DNAJC24: variants seen among roughly 807,000 people sequenced by gnomAD.
The protein encoded by DNAJC24 is DnaJ heat shock protein family (Hsp40) member C24, also known as dnaJ homolog subfamily C member 24.
DNAJC24 carries 17 observed loss-of-function variants against 18.0 expected under a neutral mutation model. The ratio of observed to expected loss-of-function variants is 0.94; its 90% confidence interval spans 0.65 to 1.42. DNAJC24 has a LOEUF of 1.42. Among genes scored for constraint, DNAJC24 ranks in the 40% most tolerant of loss-of-function variants. The pLI is 0.00. For synonymous variants in DNAJC24, 55 were observed against 57.7 expected (o/e 0.95, Z 0.21); for missense variants, 158 against 175.6 (o/e 0.90, Z 0.57).
chr11:31,377,188 A>G (rs999835452), intron 2 of DNAJC24, among the ~76,000 whole-genome samples: 2 of 152,086 alleles, frequency 1.3e-5, no homozygotes. Context: ...TGAATTTAAC[A>G]CCTCCTGCAC....
At chr11:31,416,574 G>A (rs968911116) in intron 3 of DNAJC24, 2 of 152,058 alleles carry the variant, frequency 1.3e-5, no homozygotes, top group Non-Finnish European at 2.9e-5. Flanking sequence ...ACCCTAAAGA[G>A]TATAGGGTAT....
rs536998522 is a variant in DNAJC24 at position 31,400,799 on chromosome 11, G to A, written c.112-14012G>A. Among the ~76,000 whole-genome samples the A allele has an allele frequency of 3.9e-3, 593 of 152,138 alleles. 1 individual carries two copies. Among genetic ancestry groups the A allele is most frequent in the Non-Finnish European group, 7.0e-3 (476 of 67,986 alleles). ...CCTAGAAGAAAACCTAGGCAATACCGTTAAGGACATAGGCATGGGCAAAGA... is the reference window on the plus strand; with the variant it reads ...CCTAGAAGAAAACCTAGGCAATACCATTAAGGACATAGGCATGGGCAAAGA... On this transcript the variant is annotated intron_variant, in intron 2 of 4. Coordinates refer to ENST00000465995, the MANE Select transcript of DNAJC24 (RefSeq NM_181706.5).
chr11:31,383,020 A>C (rs1048620911), intron 2 of DNAJC24, among the ~76,000 whole-genome samples: 1 of 152,200 alleles, frequency 6.6e-6, no homozygotes, highest in Non-Finnish European at 1.5e-5. Context: ...GATATTTTGA[A>C]GAATATAAAT....
At chr11:31,405,075 GT>G (rs397848726) in intron 2 of DNAJC24, among the ~76,000 whole-genome samples, 15,693 of 83,762 alleles carry the variant, frequency 0.19, 2,373 homozygotes, top group African/African-American at 0.41. Context: ...TCTTTTTTTT[GT>G]TTTTTTTTTT....
At chr11:31,401,082 A>G (rs1357981331) in intron 2 of DNAJC24, among the ~76,000 whole-genome samples, 2 of 152,252 alleles carry the variant, frequency 1.3e-5, no homozygotes, top group Non-Finnish European at 2.9e-5. Flanking sequence ...ATGAACAGAT[A>G]CTTTTCAAAA....
At chr11:31,401,641 G>A (rs1165536525) in intron 2 of DNAJC24, among the ~76,000 whole-genome samples, 1 of 152,078 alleles carries the variant, frequency 6.6e-6, no homozygotes, top group African/African-American at 2.4e-5. Context: ...GTCAGTGGTA[G>A]AGTGATATTT....
Position 31,428,640 on chromosome 11 carries a change from A to C in DNAJC24, c.320-1631A>C, listed in dbSNP as rs932372170. On this transcript the variant is annotated intron_variant, in intron 4 of 4. Coordinates refer to ENST00000465995, the MANE Select transcript of DNAJC24 (RefSeq NM_181706.5). ...GTTGCCTGATCAAAGGGCAGTATGA[A>C]ATGATGCATTTTATTATGCTTAAAA... Among the ~76,000 whole-genome samples, 6 of 152,272 alleles carry C rather than the reference A, an allele frequency of 3.9e-5. No individual in the cohort carries two copies. The South Asian group carries it at 1.0e-3, about 26-fold the overall frequency.
At chr11:31,403,658 TCA>T (rs1952624367) in intron 2 of DNAJC24, among the ~76,000 whole-genome samples, 1 of 152,204 alleles carries the variant, frequency 6.6e-6, no homozygotes, top group African/African-American at 2.4e-5. Context: ...CAGTCAGAGT[TCA>T]GTCTCCAGTT....
chr11:31,426,297 A>G lies in DNAJC24; in HGVS notation c.261A>G (p.Leu87=). 1.3e-6 allele frequency: 2 copies of G among 1,553,050 alleles called. No homozygotes were observed. The highest frequency in any genetic ancestry group is 1.7e-6 in the Non-Finnish European group (2 of 1,145,326). ...EYDLQRCEDD[L]RNVGPVDAQV... ...TTTTATGTTTTACAGAAGATGATCT[A>G]AGAAATGTAGGACCAGTAGATGCTC... is the stretch of plus-strand genomic sequence containing the variant. The change falls in exon 4 of 5, where the codon CTA becomes CTG. Residue 87 remains leucine (L), a synonymous_variant. Coordinates refer to ENST00000465995, the MANE Select transcript of DNAJC24 (RefSeq NM_181706.5).
chr11:31,391,084 A>C (rs1952490956), intron 2 of DNAJC24, among the ~76,000 whole-genome samples: 1 of 152,238 alleles, frequency 6.6e-6, no homozygotes, highest in African/African-American at 2.4e-5. Flanking sequence ...TCTTATCAAC[A>C]GAATGAAGAA....
chr11:31,423,088 T>G (rs1952823601), intron 3 of DNAJC24, among the ~76,000 whole-genome samples: 5 of 152,182 alleles, frequency 3.3e-5, no homozygotes, highest in Admixed American at 3.3e-4. Flanking sequence ...TTCTTCTTTC[T>G]CCTTTTATTT....
intron 2 of DNAJC24, among the ~76,000 whole-genome samples, chr11:31,414,456 G>T (rs1341361267): frequency 6.6e-6 from 1 of 152,112 alleles, no homozygotes; most frequent in Non-Finnish European, 1.5e-5. Context: ...TGCCTAATTT[G>T]TGCTCTTCCT....
At chr11:31,423,898 G>C (rs1952835040) in intron 3 of DNAJC24, among the ~76,000 whole-genome samples, 1 of 152,076 alleles carries the variant, frequency 6.6e-6, no homozygotes, top group Admixed American at 6.6e-5. Flanking sequence ...GTCTAACTAA[G>C]CTAATTTTTC....
intron 2 of DNAJC24, among the ~76,000 whole-genome samples, chr11:31,389,348 A>G (rs1300257448): frequency 6.6e-6 from 1 of 152,160 alleles, no homozygotes; most frequent in Non-Finnish European, 1.5e-5. Context: ...ACAAAAAAAG[A>G]GTAAAAGGAG....
intron 2 of DNAJC24, among the ~76,000 whole-genome samples, chr11:31,397,616 A>G (rs918500885): frequency 9.9e-5 from 15 of 152,126 alleles, no homozygotes; most frequent in African/African-American, 3.4e-4. Flanking sequence ...AAATAAAGCA[A>G]AACAACAACA....
chr11:31,421,956 T>C (rs1393895360), intron 3 of DNAJC24: 1 of 444,920 alleles, frequency 2.2e-6, no homozygotes, highest in Non-Finnish European at 4.5e-6. Flanking sequence ...TTCCTTTTAA[T>C]CTCTTTGAAT....
intron 2 of DNAJC24, among the ~76,000 whole-genome samples, chr11:31,397,369 A>T (rs896488507): frequency 6.6e-6 from 1 of 152,188 alleles, no homozygotes; most frequent in Admixed American, 6.5e-5. Context: ...ACCATGTTTC[A>T]TTTGTTAACT....
Position 31,430,521 on chromosome 11 carries a change from A to G in DNAJC24, c.*120A>G. On this transcript the variant is annotated 3_prime_UTR_variant, in exon 5 of 5. Coordinates refer to ENST00000465995, the MANE Select transcript of DNAJC24 (RefSeq NM_181706.5). ...GCCCGATTATTTGCAAAGAAAATAT[A>G]CAATTATCAAGCAGAGACCACCTCA... The G allele has an allele frequency of 1.3e-6, 1 of 779,778 alleles. No individual in the cohort carries two copies. Among genetic ancestry groups the G allele is most frequent in the Non-Finnish European group, 1.9e-6 (1 of 540,484 alleles). 48.3% of individuals were successfully genotyped at this position (779,778 alleles called of 1,614,324 possible).
intron 4 of DNAJC24, chr11:31,426,597 T>TA (rs1328517006): frequency 2.9e-6 from 1 of 346,282 alleles, no homozygotes; most frequent in African/African-American, 2.1e-5. Flanking sequence ...GTTAGGAACA[T>TA]AAAGTTTCAT....
Sources: allele counts gnomAD v4.1 joint callset (sites outside exome capture counted in the v4.1 genomes callset), GRCh38; gene constraint gnomAD v4.1.1; transcripts MANE v1.5; gene names NCBI Gene and HGNC (gene_info 2026-07-23, HGNC 2026-07-21).